The following CCDC70 variants were observed in gnomAD, a reference collection of about 807,000 sequenced individuals.
CCDC70 encodes the protein coiled-coil domain-containing protein 70.
CCDC70 carries 4 observed loss-of-function variants against 9.1 expected under a neutral mutation model. The observed-to-expected ratio is 0.44, with a 90% confidence interval of 0.22 to 1.00. The LOEUF is 1.00. Ranked by LOEUF, CCDC70 falls within the 50% of genes least tolerant of loss-of-function variation. The pLI is 0.25. For synonymous variants in CCDC70, 119 were observed against 94.0 expected (o/e 1.27, Z -1.54); for missense variants, 308 against 271.3 (o/e 1.14, Z -0.95).
chr13:51,864,970 A>G (rs1236616517), intron 1 of CCDC70, among the ~76,000 whole-genome samples: 1 of 152,242 alleles, frequency 6.6e-6, no homozygotes, highest in East Asian at 1.9e-4. Context: ...ATAGGCAGAT[A>G]GGAACAATTC....
rs202091572 is a variant in CCDC70 at position 51,865,474 on chromosome 13, C to T, written c.63C>T (p.Ser21=). 5 of 1,614,096 alleles carry T rather than the reference C, an allele frequency of 3.1e-6. No homozygotes were observed. Among genetic ancestry groups the T allele is most frequent in the Non-Finnish European group, 4.2e-6 (5 of 1,180,050 alleles). ...CCTGCTTCCGGTCCCTGGCGGCATC[C>T]TCTCCCAGTATTCGCCAGAAGAAAC... ...GLACFRSLAA[S]SPSIRQKKLM... is the part of the protein sequence containing the mutation. The change falls in exon 2 of 2, where the codon TCC becomes TCT. Residue 21 remains serine (S), a synonymous_variant. Coordinates refer to ENST00000242819, the MANE Select transcript of CCDC70 (RefSeq NM_031290.4).
chr13:51,865,349 T>C lies in CCDC70; in HGVS notation c.-63T>C, dbSNP rs1280074635. The C allele has an allele frequency of 3.2e-6, 5 of 1,545,592 alleles. No individual in the cohort carries two copies. Among genetic ancestry groups the C allele is most frequent in the Non-Finnish European group, 4.4e-6 (5 of 1,148,176 alleles). On this transcript the variant is annotated 5_prime_UTR_variant, in exon 2 of 2. Coordinates refer to ENST00000242819, the MANE Select transcript of CCDC70 (RefSeq NM_031290.4). ...CCCCACAGGGTCTGACCAGCCGACC[T>C]GGACCTGGCCAAGGGTCCTGTCATC...
At position 51,865,700 on chromosome 13, in the gene CCDC70, T is replaced by C. The variant is rs1486767472; in HGVS notation, c.289T>C (p.Trp97Arg). 2 of 1,614,166 alleles carry C rather than the reference T, an allele frequency of 1.2e-6. No individual in the cohort carries two copies. The highest frequency in any genetic ancestry group is 1.7e-6 in the Non-Finnish European group (2 of 1,180,026). ...CTTCTGGAAAGAGGAAAAATCCTTC[T>C]GGGAAATGGAAAAGTCTTTCAGGGA... ...KTFWKEEKSF[W>R]EMEKSFREEE... is the part of the protein sequence containing the mutation. The change falls in exon 2 of 2, where the codon TGG becomes CGG. Residue 97 changes from tryptophan to arginine, a missense_variant. Transcript: ENST00000242819.
intron 1 of CCDC70, among the ~76,000 whole-genome samples, chr13:51,864,046 T>C (rs189852766): frequency 3.0e-4 from 45 of 152,142 alleles, no homozygotes; most frequent in African/African-American, 1.0e-3. Context: ...CTCAGATATA[T>C]GGCAATGTTT....
In CCDC70 at chr13:51,865,524, A is replaced by G; in HGVS notation, c.113A>G (p.Lys38Arg). The change falls in exon 2 of 2, where the codon AAG (lysine) becomes AGG (arginine). Residue 38 changes from lysine to arginine, a missense_variant. Coordinates refer to ENST00000242819, the MANE Select transcript of CCDC70 (RefSeq NM_031290.4). ...CTAATGCACAAGCTGCAGGAGGAAA[A>G]GGCTTTTCGCGAAGAGATGAAAATT... ...KKLMHKLQEE[K>R]AFREEMKIFR... 1 of 1,614,222 alleles carries G rather than the reference A, an allele frequency of 6.2e-7. No homozygotes were observed. Among genetic ancestry groups the G allele is most frequent in the Non-Finnish European group, 8.5e-7 (1 of 1,180,044 alleles).
intron 1 of CCDC70, among the ~76,000 whole-genome samples, chr13:51,862,773 G>C (rs551484331): frequency 6.6e-6 from 1 of 152,290 alleles, no homozygotes; most frequent in African/African-American, 2.4e-5. Flanking sequence ...ATGGAAGTGA[G>C]GGAGGACTTC....
At chr13:51,863,668 CACAG>C (rs1177788070) in intron 1 of CCDC70, among the ~76,000 whole-genome samples, 2 of 78,058 alleles carry the variant, frequency 2.6e-5, no homozygotes, top group African/African-American at 9.4e-5. Flanking sequence ...TGCACGCGCA[CACAG>C]ACACACACAC....
intron 1 of CCDC70, among the ~76,000 whole-genome samples, chr13:51,863,714 C>T (rs1199989888): frequency 7.0e-6 from 1 of 141,932 alleles, no homozygotes; most frequent in Non-Finnish European, 1.5e-5. Context: ...CACACACCAG[C>T]TATGTGTCTT....
chr13:51,866,130 T>A lies in CCDC70; in HGVS notation c.*50T>A. ...TGGTCCAGACTCCCCTGGGTTGGGA[T>A]TCAAGTCCAGGGTGAGCCCATGTGC... On this transcript the variant is annotated 3_prime_UTR_variant, in exon 2 of 2. Transcript: ENST00000242819. The A allele has an allele frequency of 6.9e-7, 1 of 1,458,696 alleles. No homozygotes were observed. Among genetic ancestry groups the A allele is most frequent in the Non-Finnish European group, 9.2e-7 (1 of 1,087,046 alleles). 90.4% of individuals were successfully genotyped at this position (1,458,696 alleles called of 1,614,324 possible).
intron 1 of CCDC70, among the ~76,000 whole-genome samples, chr13:51,863,709 A>ACACAC (rs35373499): frequency 1.5e-5 from 1 of 64,866 alleles, no homozygotes; most frequent in Non-Finnish European, 3.5e-5. Flanking sequence ...ACACACACAC[A>ACACAC]CCAGCTATGT....
Position 51,865,492 on chromosome 13 carries a change from G to A in CCDC70, c.81G>A (p.Gln27=). The A allele has an allele frequency of 6.2e-7, 1 of 1,614,236 alleles. No individual in the cohort carries two copies. Among genetic ancestry groups the A allele is most frequent in the East Asian group, 2.2e-5 (1 of 44,888 alleles). The change falls in exon 2 of 2, where the codon CAG becomes CAA. Residue 27 remains glutamine (Q), a synonymous_variant. Coordinates refer to ENST00000242819, the MANE Select transcript of CCDC70 (RefSeq NM_031290.4). ...SLAASSPSIR[Q]KKLMHKLQEE... is the part of the protein sequence containing the mutation. ...CGGCATCCTCTCCCAGTATTCGCCA[G>A]AAGAAACTAATGCACAAGCTGCAGG...
intron 1 of CCDC70, among the ~76,000 whole-genome samples, chr13:51,863,778 G>T (rs909611773): frequency 5.9e-5 from 9 of 151,680 alleles, no homozygotes; most frequent in African/African-American, 2.2e-4. Context: ...TACAGAGAAA[G>T]CCCTGAAAAT....
chr13:51,862,606 T>A (rs1375815087), intron 1 of CCDC70, among the ~76,000 whole-genome samples: 1 of 152,046 alleles, frequency 6.6e-6, no homozygotes, highest in Non-Finnish European at 1.5e-5. Flanking sequence ...GACATAGAGA[T>A]GGAAGATGAG....
At chr13:51,863,740 C>G (rs1256854342) in intron 1 of CCDC70, among the ~76,000 whole-genome samples, 1 of 152,038 alleles carries the variant, frequency 6.6e-6, no homozygotes, top group African/African-American at 2.4e-5. Context: ...CTCCTCCACT[C>G]CCTGTTCCTA....
chr13:51,865,999 C>T lies in CCDC70; in HGVS notation c.588C>T (p.Ala196=), dbSNP rs377218112. 1.4e-5 allele frequency: 22 copies of T among 1,613,064 alleles called. No homozygotes were observed. Among genetic ancestry groups the T allele is most frequent in the African/African-American group, 1.3e-4 (10 of 74,856 alleles). The part of the protein sequence containing the change: ...AFWMENNGHI[A]GEQMLEDGPH... The stretch of plus-strand genomic sequence containing the variant: ...GGATGGAGAACAATGGCCACATTGC[C>T]GGAGAGCAGATGCTCGAAGATGGGC... The change falls in exon 2 of 2, where the codon GCC becomes GCT. Residue 196 remains alanine, a synonymous_variant. Transcript: ENST00000242819.
At position 51,866,041 on chromosome 13, in the gene CCDC70, A is replaced by T. The variant is rs1456669043; in HGVS notation, c.630A>T (p.Arg210Ser). The change falls in exon 2 of 2, where the codon AGA becomes AGT. Residue 210 changes from arginine to serine, a missense_variant. By Grantham distance (110) the Arg-to-Ser change is moderately radical. Coordinates refer to ENST00000242819, the MANE Select transcript of CCDC70 (RefSeq NM_031290.4). ...AAGATGGGCCCCACAACGCCAACAG[A>T]GGGCAGCGCTTGCTGGCCTTCTCCC... ...MLEDGPHNAN[R>S]GQRLLAFSRG... The T allele has an allele frequency of 6.3e-7, 1 of 1,599,930 alleles. No homozygotes were observed. Among genetic ancestry groups the T allele is most frequent in the Non-Finnish European group, 8.5e-7 (1 of 1,174,450 alleles).
rs1593608671 is a variant in CCDC70 at position 51,865,321 on chromosome 13, T to A, written c.-80-11T>A. 7.1e-7 allele frequency: 1 copy of A among 1,414,452 alleles called. No homozygotes were observed. 87.6% of individuals were successfully genotyped at this position (1,414,452 alleles called of 1,614,324 possible). A position where few individuals can be genotyped will look rare whatever the true frequency, so the allele number is the denominator to read the frequency against. On this transcript the variant is annotated splice_polypyrimidine_tract_variant and intron_variant, in intron 1 of 1. Transcript: ENST00000242819. ...ATACTCATAGATCTGTCTTTTCTGC[T>A]GCCCCCACAGGGTCTGACCAGCCGA... is the stretch of plus-strand genomic sequence containing the variant.
chr13:51,865,474 C>A lies in CCDC70; in HGVS notation c.63C>A (p.Ser21=). The part of the protein sequence containing the change: ...GLACFRSLAA[S]SPSIRQKKLM... Reference sequence around the variant, plus strand: ...CCTGCTTCCGGTCCCTGGCGGCATCCTCTCCCAGTATTCGCCAGAAGAAAC... The same window carrying A: ...CCTGCTTCCGGTCCCTGGCGGCATCATCTCCCAGTATTCGCCAGAAGAAAC... Residue 21 remains serine, a synonymous_variant, in exon 2 of 2, where the codon TCC becomes TCA. Transcript: ENST00000242819. 6.2e-7 allele frequency: 1 copy of A among 1,614,214 alleles called. No individual in the cohort carries two copies. The highest frequency in any genetic ancestry group is 1.3e-5 in the African/African-American group (1 of 75,060).
chr13:51,865,286 C>T, intron 1 of CCDC70, 46 bp from the exon 2 acceptor site: 1 of 1,028,742 alleles, frequency 9.7e-7, no homozygotes, highest in Non-Finnish European at 1.4e-6. Flanking sequence ...GGGCCGTCCC[C>T]TGGCATGTGA....
Sources: allele counts gnomAD v4.1 joint callset (sites outside exome capture counted in the v4.1 genomes callset), GRCh38; gene constraint gnomAD v4.1.1; transcripts MANE v1.5; gene names NCBI Gene and HGNC (gene_info 2026-07-23, HGNC 2026-07-21).